DOT1L: variants seen among roughly 807,000 people sequenced by gnomAD.
DOT1L encodes the protein DOT1 like histone lysine methyltransferase.
Under a neutral mutation model 153.3 loss-of-function variants are expected in DOT1L, and 33 were observed. That is an observed-to-expected ratio of 0.22 (90% confidence interval 0.16 to 0.29). DOT1L has a LOEUF of 0.29. DOT1L is among the 10% of genes least tolerant of loss of function. The pLI, the probability that DOT1L is intolerant of heterozygous loss-of-function variation, is 1.00. For missense variants in DOT1L, 1,847 were observed against 2,119.9 expected, an observed-to-expected ratio of 0.87 and a Z score of 2.53; for synonymous variants, 1,135 against 965.1, an observed-to-expected ratio of 1.18 and a Z score of -3.26.
intron 2 of DOT1L, 99 bp from the exon 3 acceptor site, chr19:2,185,756 G>A (rs1319892255): frequency 7.5e-7 from 1 of 1,330,558 alleles, no homozygotes; most frequent in East Asian, 2.3e-5. Flanking sequence ...GCAACAGAGT[G>A]AGACTCCGTC....
At chr19:2,206,673 G>A (rs2023508199) in intron 9 of DOT1L, 56 bp from the exon 10 acceptor site, 2 of 1,568,818 alleles carry the variant, frequency 1.3e-6, no homozygotes, top group Middle Eastern at 1.7e-4. Flanking sequence ...CTTGAGTGGT[G>A]TCTGCTCTTC....
chr19:2,227,062 C>T lies in DOT1L; in HGVS notation c.4541C>T (p.Ala1514Val), dbSNP rs769415856. 5.7e-6 allele frequency: 9 copies of T among 1,572,012 alleles called. No individual in the cohort carries two copies. The highest frequency in any genetic ancestry group is 6.9e-6 in the Non-Finnish European group (8 of 1,164,286). The change falls in exon 27 of 28, where the codon GCC (alanine) becomes GTC (valine). Residue 1514 changes from alanine to valine, a missense_variant. Physicochemically the swap from Ala to Val is moderately conservative, Grantham distance 64. Coordinates refer to ENST00000398665, the MANE Select transcript of DOT1L (RefSeq NM_032482.3). ...AAGLVHVSSAATRLTNSHAMG... is the reference protein window; with the variant it reads ...AAGLVHVSSAVTRLTNSHAMG... ...GGCCTGGTGCACGTGTCGTCCGCTG[C>T]CACCAGACTGACCAACTCGCACGCC... is the stretch of plus-strand genomic sequence containing the variant.
rs1324489309 is a variant in DOT1L, at chr19:2,226,977, G to A, written c.4456G>A (p.Gly1486Ser). ...CCCCATGTCCCTGCAGGCCAACCTC[G>A]GCTCCGTGGCCGGCTCCTCCGTGCT... is the stretch of plus-strand genomic sequence containing the variant. ...LGPMSLQANL[G>S]SVAGSSVLQS... Residue 1486 changes from glycine (G) to serine (S), a missense_variant, in exon 27 of 28, where the codon GGC becomes AGC. This residue lies in a region of DOT1L where 934 missense variants were observed against 825.3 expected (regional missense o/e 1.13). Transcript: ENST00000398665. 1.9e-6 allele frequency: 3 copies of A among 1,591,494 alleles called. No homozygotes were observed. The highest frequency in any genetic ancestry group is 1.7e-6 in the Non-Finnish European group (2 of 1,176,608).
intron 19 of DOT1L, chr19:2,216,065 C>T (rs748913624): frequency 3.4e-5 from 19 of 560,758 alleles, no homozygotes; most frequent in African/African-American, 5.7e-5. Context: ...AAGGTGCTTC[C>T]ATGTCAGCAA....
Position 2,210,420 on chromosome 19 carries a change from G to T in DOT1L, c.1026G>T (p.Arg342=). ...PKLREEQEAA[R]RRQQRESKSN... is the part of the protein sequence containing the mutation. ...TCCAGGAGGAACAGGAGGCAGCCCG[G>T]CGCCGCCAGCAGCGCGAGAGCAAGA... Residue 342 remains arginine, a synonymous_variant, in exon 13 of 28, where the codon CGG becomes CGT. Coordinates refer to ENST00000398665, the MANE Select transcript of DOT1L (RefSeq NM_032482.3). The T allele has an allele frequency of 3.2e-6, 5 of 1,549,202 alleles. No individual in the cohort carries two copies. Among genetic ancestry groups the T allele is most frequent in the Non-Finnish European group, 4.3e-6 (5 of 1,150,240 alleles).
chr19:2,194,326 A>T (rs1466951741), intron 6 of DOT1L, among the ~76,000 whole-genome samples, 189 bp from the exon 7 acceptor site: 1 of 151,788 alleles, frequency 6.6e-6, no homozygotes, highest in East Asian at 1.9e-4. Flanking sequence ...GCCCCCCAAC[A>T]CACCCAGCTA....
chr19:2,220,705 T>G lies in DOT1L; in HGVS notation c.2806+483T>G. On this transcript the variant is annotated intron_variant, in intron 23 of 27. Transcript: ENST00000398665. The surrounding 1 kb of genome is among the most constrained non-coding windows in gnomAD (Gnocchi z 4.5). Reference sequence around the variant, plus strand: ...AGCCAGAGAGGATGCCACTTTGGCTTTTGTTGACACTGCAGGCCTGTCTGT... The same window carrying G: ...AGCCAGAGAGGATGCCACTTTGGCTGTTGTTGACACTGCAGGCCTGTCTGT... The G allele has an allele frequency of 2.8e-6, 1 of 362,356 alleles. No individual in the cohort carries two copies. The highest frequency in any genetic ancestry group is 5.5e-6 in the Non-Finnish European group (1 of 181,836). 22.4% of individuals were successfully genotyped at this position (362,356 alleles called of 1,614,324 possible). A position where few individuals can be genotyped will look rare whatever the true frequency, so the allele number is the denominator to read the frequency against.
chr19:2,218,887 G>A (rs934181881), intron 22 of DOT1L, among the ~76,000 whole-genome samples: 4 of 151,858 alleles, frequency 2.6e-5, no homozygotes, highest in Non-Finnish European at 5.9e-5. Context: ...CAGCTGAGAC[G>A]GAGTCTTGCT....
chr19:2,185,820 A>C, intron 2 of DOT1L, 35 bp from the exon 3 acceptor site: 1 of 1,609,718 alleles, frequency 6.2e-7, no homozygotes. Context: ...AAAAAAACCA[A>C]ACCCTTCCTG....
At chr19:2,218,626 C>T (rs1238315958) in intron 22 of DOT1L, among the ~76,000 whole-genome samples, 2 of 152,046 alleles carry the variant, frequency 1.3e-5, no homozygotes, top group South Asian at 2.1e-4. Context: ...ATCTCCTGAC[C>T]TAGTGATCCG....
chr19:2,216,349 G>C lies in DOT1L; in HGVS notation c.1992G>C (p.Pro664=), dbSNP rs370804234. 3.1e-6 allele frequency: 5 copies of C among 1,608,710 alleles called. No homozygotes were observed. The highest frequency in any genetic ancestry group is 1.3e-5 in the African/African-American group (1 of 74,956). The change falls in exon 20 of 28, where the codon CCG becomes CCC. Residue 664 remains proline (P), a synonymous_variant. Coordinates refer to ENST00000398665, the MANE Select transcript of DOT1L (RefSeq NM_032482.3). The part of the protein sequence containing the change: ...QELLQLKSCV[P]PDDALSLHLR... ...TCCTGCAGCTCAAGTCCTGTGTGCC[G>C]CCTGACGACGCCCTGTCCCTGCACC...
At chr19:2,228,418 A>G in intron 27 of DOT1L, 3 of 1,247,140 alleles carry the variant, frequency 2.4e-6, no homozygotes, top group Non-Finnish European at 3.1e-6. Flanking sequence ...CTCACTCCAG[A>G]CACTGAACTG....
chr19:2,183,235 A>G (rs1049240647), intron 2 of DOT1L, among the ~76,000 whole-genome samples: 18 of 152,152 alleles, frequency 1.2e-4, no homozygotes, highest in African/African-American at 4.3e-4. Flanking sequence ...CAGTGGTGCC[A>G]TCTCAGCTCA....
rs1290797012 is a variant in DOT1L, at chr19:2,197,869, G to A, written c.652-2015G>A. ...GGGTGGGTCAGAGAGGCTTCCACCT[G>A]ACTGTTCCCTGCCCTTTCTGATGGA... On this transcript the variant is annotated intron_variant, in intron 7 of 27. Coordinates refer to ENST00000398665, the MANE Select transcript of DOT1L (RefSeq NM_032482.3). The surrounding 1 kb of genome is among the most constrained non-coding windows in gnomAD (Gnocchi z 4.1). Among the ~76,000 whole-genome samples the A allele has an allele frequency of 6.6e-6, 1 of 152,174 alleles. No homozygotes were observed. The highest frequency in any genetic ancestry group is 1.5e-5 in the Non-Finnish European group (1 of 68,036).
intron 1 of DOT1L, among the ~76,000 whole-genome samples, chr19:2,172,158 C>T (rs555841532): frequency 1.5e-4 from 23 of 151,646 alleles, no homozygotes; most frequent in Middle Eastern, 3.4e-3. Context: ...TCCCACTCCT[C>T]GGACGCACTT....
chr19:2,207,319 C>T lies in DOT1L; in HGVS notation c.857-255C>T, dbSNP rs1247311747. 6.6e-6 allele frequency among the ~76,000 whole-genome samples: 1 copy of T among 152,208 alleles called. No individual in the cohort carries two copies. Among genetic ancestry groups the T allele is most frequent in the African/African-American group, 2.4e-5 (1 of 41,440 alleles). ...ATCTAAGTCGCTTCCAGATCTTCTC[C>T]CCCTCCTTTTCCATTCCACTCAGCT... On this transcript the variant is annotated intron_variant, in intron 10 of 27. Coordinates refer to ENST00000398665, the MANE Select transcript of DOT1L (RefSeq NM_032482.3). This position sits in a 1 kb window ranked among gnomAD's most constrained non-coding sequence, Gnocchi z 4.5.
intron 22 of DOT1L, among the ~76,000 whole-genome samples, chr19:2,218,540 C>T (rs1473578397): frequency 2.7e-5 from 4 of 149,938 alleles, no homozygotes; most frequent in Admixed American, 1.3e-4. Flanking sequence ...ACTACAGGCG[C>T]CCGCCACCAC....
rs369438765 is a variant in DOT1L, at chr19:2,216,698, C to G, written c.2341C>G (p.Leu781Val). The G allele has an allele frequency of 6.2e-7, 1 of 1,602,426 alleles. No individual in the cohort carries two copies. The highest frequency in any genetic ancestry group is 1.3e-5 in the African/African-American group (1 of 74,930). The part of the protein sequence containing the change: ...YTRLSPAKIV[L>V]RRHLSQDHTV... ...TAGGCTGTCCCCGGCCAAGATTGTG[C>G]TGAGGCGGCACCTGAGCCAGGACCA... is the stretch of plus-strand genomic sequence containing the variant. Residue 781 changes from leucine to valine, a missense_variant, in exon 20 of 28, where the codon CTG becomes GTG. Physicochemically the swap from Leu to Val is conservative, Grantham distance 32. Around this residue, in one of 8 missense-constraint regions of DOT1L, gnomAD observed 281 missense variants for 263.6 expected, o/e 1.07. Coordinates refer to ENST00000398665, the MANE Select transcript of DOT1L (RefSeq NM_032482.3).
chr19:2,207,494 G>A lies in DOT1L; in HGVS notation c.857-80G>A, dbSNP rs1036225414. On this transcript the variant is annotated intron_variant, in intron 10 of 27. Transcript: ENST00000398665. The surrounding 1 kb of genome is among the most constrained non-coding windows in gnomAD (Gnocchi z 4.5). ...GCGCAGCTCAGGCTTCTGTCCCCAC[G>A]CCTGCCCTGGGGTGGGTGAGGTCTG... 8 of 1,238,250 alleles carry A rather than the reference G, an allele frequency of 6.5e-6. No homozygotes were observed. Among genetic ancestry groups the A allele is most frequent in the African/African-American group, 3.0e-5 (2 of 66,846 alleles). 76.7% of individuals were successfully genotyped at this position (1,238,250 alleles called of 1,614,324 possible).
Sources: gnomAD v4.1 joint callset for allele counts (sites outside exome capture counted in the v4.1 genomes callset) on GRCh38, gnomAD v4.1.1 for gene constraint, gnomAD v4.1.1 regional missense constraint, Gnocchi (gnomAD v3.1) non-coding constraint, MANE v1.5 for transcripts, NCBI Gene and HGNC (gene_info 2026-07-23, HGNC 2026-07-21) for gene names.